Variants in PTPRB observed in about 807,000 individuals in gnomAD.
PTPRB encodes protein tyrosine phosphatase receptor type B.
In PTPRB, 97 loss-of-function variants were observed where a neutral mutation model predicts 238.1. That is an observed-to-expected ratio of 0.41 (90% CI 0.35 to 0.48). PTPRB has a LOEUF of 0.48. Among genes scored for constraint, PTPRB ranks in the 20% least tolerant of loss-of-function variants. The pLI is 0.30. For missense variants in PTPRB, 2,292 were observed against 2,681.9 expected (o/e 0.85, Z 3.21); for synonymous variants, 970 against 995.4 (o/e 0.97, Z 0.48).
intron 8 of PTPRB, among the ~76,000 whole-genome samples, chr12:70,588,054 C>T (rs539226947): frequency 2.2e-3 from 319 of 144,700 alleles, no homozygotes; most frequent in Middle Eastern, 0.011. Flanking sequence ...TGAGATGGTG[C>T]CACTGCACTC....
intron 3 of PTPRB, chr12:70,609,833 T>G (rs377173810): frequency 1.4e-5 from 22 of 1,571,136 alleles, no homozygotes; most frequent in Middle Eastern, 1.7e-4. Flanking sequence ...GTAGTTAAGA[T>G]CCAGAGGAGA....
chr12:70,559,451 T>C lies in PTPRB; in HGVS notation c.4606A>G (p.Ile1536Val), dbSNP rs1474768305. 1.2e-6 allele frequency: 2 copies of C among 1,613,988 alleles called. No individual in the cohort carries two copies. The highest frequency in any genetic ancestry group is 1.7e-6 in the Non-Finnish European group (2 of 1,179,874). ...CTCCCTGGACGAAGACCATACACAA[T>C]GCGTCCTTCTGATTTTCTGTTGTTG... Reference protein sequence around the residue: ...PYNNRKSEGRIVYGLRPGRSY... With the variant: ...PYNNRKSEGRVVYGLRPGRSY... The change falls in exon 18 of 34, where the codon ATT becomes GTT. Residue 1536 changes from isoleucine to valine, a missense_variant. Ile to Val is a conservative substitution (Grantham distance 29, BLOSUM62 3). This residue lies in a region of PTPRB where 683 missense variants were observed against 862.0 expected (regional missense o/e 0.79). Transcript: ENST00000334414.
At position 70,532,167 on chromosome 12, in the gene PTPRB, A is replaced by G; in HGVS notation, c.6372T>C (p.Ala2124=). The part of the protein sequence containing the change: ...GAGPTVVHCS[A]GVGRTGTFIA... ...TAAAGGTTCCAGTCCTACCCACACC[A>G]GCACTAGAAGAGATGGCAAAGGAAG... The change falls in exon 32 of 34, where the codon GCT becomes GCC. Residue 2124 remains alanine, a synonymous_variant. Transcript: ENST00000334414. 6.3e-7 allele frequency: 1 copy of G among 1,585,472 alleles called. No individual in the cohort carries two copies. Among genetic ancestry groups the G allele is most frequent in the South Asian group, 1.2e-5 (1 of 86,946 alleles).
rs1881366820 is a variant in PTPRB, at chr12:70,581,302, A to G, written c.2312T>C (p.Val771Ala). 2 of 1,608,146 alleles carry G rather than the reference A, an allele frequency of 1.2e-6. No homozygotes were observed. The highest frequency in any genetic ancestry group is 1.7e-6 in the Non-Finnish European group (2 of 1,176,792). Residue 771 changes from valine (V) to alanine (A), a missense_variant and splice_region_variant, in exon 10 of 34, where the codon GTG becomes GCG. Transcript: ENST00000334414. ...ATGCAAGTCAGTCACTTGGGCAGGC[A>G]CTAAAACAGTAGACAGAAGAAAAAA... ...KNSSSVKGRT[V>A]PAQVTDLHVA...
At chr12:70,621,758 T>C (rs1884945932) in intron 3 of PTPRB, among the ~76,000 whole-genome samples, 1 of 152,232 alleles carries the variant, frequency 6.6e-6, no homozygotes, top group Admixed American at 6.5e-5. Context: ...TATAATTACA[T>C]GTATTGCCTA....
At chr12:70,569,085 T>G (rs1247814134) in intron 14 of PTPRB, among the ~76,000 whole-genome samples, 2 of 152,142 alleles carry the variant, frequency 1.3e-5, no homozygotes, top group Non-Finnish European at 1.5e-5. Context: ...GTCTCCTTAT[T>G]AAAATTTATT....
At chr12:70,621,669 T>C (rs528109263) in intron 3 of PTPRB, among the ~76,000 whole-genome samples, 2 of 152,334 alleles carry the variant, frequency 1.3e-5, no homozygotes, top group South Asian at 4.1e-4. Flanking sequence ...TGAAGTCATA[T>C]GACTTCTATA....
chr12:70,586,257 C>T (rs1401361409), intron 9 of PTPRB, among the ~76,000 whole-genome samples: 2 of 152,146 alleles, frequency 1.3e-5, no homozygotes, highest in East Asian at 3.9e-4. Flanking sequence ...AGTTTACAGT[C>T]CCACCAACAG....
Position 70,528,267 on chromosome 12 carries a change from G to A in PTPRB, c.6505-3676C>T, listed in dbSNP as rs149415637. Among the ~76,000 whole-genome samples, 722 of 152,228 alleles carry A rather than the reference G, an allele frequency of 4.7e-3. 2 individuals carry two copies. Among genetic ancestry groups the A allele is most frequent in the African/African-American group, 0.016 (651 of 41,530 alleles). ...CTAGTACGATGACATGAAGCTGGAG[G>A]AGTAAGTAGGGGCCAGGTTATAAAG... On this transcript the variant is annotated intron_variant, in intron 32 of 33. Transcript: ENST00000334414.
chr12:70,596,709 C>T (rs745636180), intron 4 of PTPRB, among the ~76,000 whole-genome samples: 3 of 152,134 alleles, frequency 2.0e-5, no homozygotes, highest in Non-Finnish European at 4.4e-5. Flanking sequence ...TACTGAAGAT[C>T]TCAACAGAAA....
chr12:70,633,084 CAAAAA>C (rs1161794191), intron 2 of PTPRB, among the ~76,000 whole-genome samples: 1 of 152,100 alleles, frequency 6.6e-6, no homozygotes, highest in Admixed American at 6.6e-5. Flanking sequence ...GAAGAACACA[CAAAAA>C]AATTCACATC....
intron 9 of PTPRB, 23 bp downstream of exon 9, chr12:70,586,977 TTAAAATG>T: frequency 1.3e-6 from 2 of 1,588,572 alleles, no homozygotes; most frequent in Non-Finnish European, 1.7e-6. Context: ...ACAGAACACT[TTAAAATG>T]TAAAATTTAT....
At chr12:70,526,203 A>AATTT (rs1260922070) in intron 32 of PTPRB, among the ~76,000 whole-genome samples, 9 of 152,128 alleles carry the variant, frequency 5.9e-5, no homozygotes. Flanking sequence ...TAATTTAATT[A>AATTT]ATTTATTTAT....
chr12:70,545,890 A>G (rs1456529197), intron 21 of PTPRB, among the ~76,000 whole-genome samples: 2 of 152,202 alleles, frequency 1.3e-5, no homozygotes, highest in African/African-American at 4.8e-5. Context: ...TAATCCCAGC[A>G]CTTTGGGAGG....
rs1039868132 is a variant in PTPRB, at chr12:70,535,254, C to G, written c.6082-299G>C. ...TTTTTTTTTTTTTTTTTTTTTTCCCCTCAGCATTTCAGTTCCACTAGCAGG... is the reference window on the plus strand; with the variant it reads ...TTTTTTTTTTTTTTTTTTTTTTCCCGTCAGCATTTCAGTTCCACTAGCAGG... On this transcript the variant is annotated intron_variant, in intron 29 of 33. Transcript: ENST00000334414. Among the ~76,000 whole-genome samples the G allele has an allele frequency of 6.2e-4, 86 of 138,586 alleles. 1 individual carries two copies. The highest frequency in any genetic ancestry group is 2.1e-3 in the African/African-American group (78 of 37,428). 90.9% of individuals were successfully genotyped at this position (138,586 alleles called of 152,430 possible).
intron 2 of PTPRB, among the ~76,000 whole-genome samples, chr12:70,623,533 A>C (rs1280848650): frequency 6.6e-6 from 1 of 152,160 alleles, no homozygotes; most frequent in Non-Finnish European, 1.5e-5. Flanking sequence ...TGTAAGCAAG[A>C]CCCTAGAGCA....
intron 2 of PTPRB, among the ~76,000 whole-genome samples, chr12:70,635,347 CATATTCCT>C (rs1474601384): frequency 6.6e-6 from 1 of 152,168 alleles, no homozygotes; most frequent in African/African-American, 2.4e-5. Context: ...TGCCTACATC[CATATTCCT>C]ACATCTAACA....
At chr12:70,565,788 T>A (rs1879214483) in intron 15 of PTPRB, among the ~76,000 whole-genome samples, 1 of 152,174 alleles carries the variant, frequency 6.6e-6, no homozygotes, top group Non-Finnish European at 1.5e-5. Flanking sequence ...CCAGAACCTG[T>A]GAATATGTTA....
At chr12:70,615,866 C>T (rs1258608740) in intron 3 of PTPRB, among the ~76,000 whole-genome samples, 1 of 152,176 alleles carries the variant, frequency 6.6e-6, no homozygotes, top group African/African-American at 2.4e-5. Context: ...CAAAAACAGT[C>T]ACCCACAGAA....
Sources: gnomAD v4.1 joint callset for allele counts (sites outside exome capture counted in the v4.1 genomes callset) on GRCh38, gnomAD v4.1.1 for gene constraint, gnomAD v4.1.1 regional missense constraint, MANE v1.5 for transcripts, NCBI Gene and HGNC (gene_info 2026-07-23, HGNC 2026-07-21) for gene names.